Variants in KATNB1 observed in about 807,000 individuals in gnomAD.
KATNB1 encodes katanin p80 WD40 repeat-containing subunit B1.
KATNB1 carries 38 observed loss-of-function variants against 82.3 expected under a neutral mutation model. The observed-to-expected ratio is 0.46, with a 90% confidence interval of 0.36 to 0.61. The LOEUF is 0.61. Ranked by LOEUF, KATNB1 falls within the 20% of genes least tolerant of loss-of-function variation. The pLI is 0.00. For missense variants in KATNB1, 749 were observed against 915.7 expected (o/e 0.82, Z 2.35); for synonymous variants, 361 against 368.7 (o/e 0.98, Z 0.24).
In KATNB1 at chr16:57,740,543, G is replaced by A. The variant is rs74969299; in HGVS notation, c.41-1144G>A. ...TTGGCGTCACCCACGCTGGCCTTCC[G>A]GGTGCCTCGGGGCGTCAGCACCTTG... is the stretch of plus-strand genomic sequence containing the variant. On this transcript the variant is annotated intron_variant, in intron 2 of 19. Coordinates refer to ENST00000379661, the MANE Select transcript of KATNB1 (RefSeq NM_005886.3). Among the ~76,000 whole-genome samples, 739 of 152,340 alleles carry A rather than the reference G, an allele frequency of 4.9e-3. 6 individuals carry two copies. The highest frequency in any genetic ancestry group is 0.015 in the African/African-American group (639 of 41,584).
At chr16:57,750,084 C>A (rs1379777389) in intron 4 of KATNB1, among the ~76,000 whole-genome samples, 1 of 152,184 alleles carries the variant, frequency 6.6e-6, no homozygotes, top group Admixed American at 6.5e-5. Flanking sequence ...TAAAGCCTTC[C>A]TGGATTTCTC....
intron 8 of KATNB1, 44 bp from the exon 9 acceptor site, chr16:57,752,486 G>A (rs2049236270): frequency 6.5e-7 from 1 of 1,531,864 alleles, no homozygotes; most frequent in East Asian, 2.4e-5. Flanking sequence ...GTGGAGGCCA[G>A]GATGAGGGAT....
Position 57,755,420 on chromosome 16 carries a change from ATG to A in KATNB1, c.1499_1500del (p.Val500GlyfsTer64). 6.2e-7 allele frequency: 1 copy of A among 1,613,156 alleles called. No individual in the cohort carries two copies. Among genetic ancestry groups the A allele is most frequent in the East Asian group, 2.2e-5 (1 of 44,876 alleles). On this transcript the variant is annotated frameshift_variant, in exon 16 of 20. Coordinates refer to ENST00000379661, the MANE Select transcript of KATNB1 (RefSeq NM_005886.3). LOFTEE classifies it high-confidence loss of function. Reference protein sequence around the residue: ...MSQIRKGHDTMCVVLTSRHKN... With the variant: ...MSQIRKGHDTXCVVLTSRHKN... ...ACAGATCCGCAAAGGCCACGACACCATGTGTGTGGTGCTCACCAGCCGCCACA... is the reference window on the plus strand; with the variant it reads ...ACAGATCCGCAAAGGCCACGACACCATGTGTGGTGCTCACCAGCCGCCACA...
chr16:57,749,230 G>A (rs2049206006), intron 4 of KATNB1, among the ~76,000 whole-genome samples: 1 of 152,220 alleles, frequency 6.6e-6, no homozygotes, highest in Non-Finnish European at 1.5e-5. Context: ...ATTAAGACTG[G>A]CATTTATTGA....
intron 3 of KATNB1, among the ~76,000 whole-genome samples, chr16:57,743,606 G>A (rs2049159247): frequency 6.6e-6 from 1 of 152,092 alleles, no homozygotes; most frequent in African/African-American, 2.4e-5. Context: ...CTGGCCTGCA[G>A]GCTTGTTTTA....
In KATNB1 at chr16:57,738,948, A is replaced by G. The variant is rs115836985; in HGVS notation, c.40+1665A>G. On this transcript the variant is annotated intron_variant, in intron 2 of 19. Transcript: ENST00000379661. The stretch of plus-strand genomic sequence containing the variant: ...CAAGCTGGTGCCTGTGCTTTGAATC[A>G]GTTAGCTGGGGGGTAGGGGTAGGGG... 6.5e-3 allele frequency among the ~76,000 whole-genome samples: 887 copies of G among 136,464 alleles called. 8 individuals are homozygous for G. The highest frequency in any genetic ancestry group is 0.022 in the African/African-American group (814 of 37,686). 89.5% of individuals were successfully genotyped at this position (136,464 alleles called of 152,430 possible).
intron 4 of KATNB1, among the ~76,000 whole-genome samples, chr16:57,744,815 G>A (rs1597825554): frequency 6.6e-6 from 1 of 151,892 alleles, no homozygotes. Flanking sequence ...AGAACCTAGA[G>A]GGATGTCACA....
intron 4 of KATNB1, among the ~76,000 whole-genome samples, chr16:57,747,476 C>T (rs2148792349): frequency 6.6e-6 from 1 of 152,330 alleles, no homozygotes; most frequent in South Asian, 2.1e-4. Context: ...AAGATGCACG[C>T]AGCCTCTTCA....
chr16:57,756,923 C>A lies in KATNB1; in HGVS notation c.1945C>A (p.Leu649Met). The A allele has an allele frequency of 6.5e-7, 1 of 1,548,482 alleles. No individual in the cohort carries two copies. ...TGGCAGTACCTTCCGCGAGCTGCACCTGCTCATGGCCAGTCTGGACTGAGG... is the reference window on the plus strand; with the variant it reads ...TGGCAGTACCTTCCGCGAGCTGCACATGCTCATGGCCAGTCTGGACTGAGG... ...RHGSTFRELH[L>M]LMASLD is the part of the protein sequence containing the mutation. The change falls in exon 20 of 20, where the codon CTG becomes ATG. Residue 649 changes from leucine (L) to methionine (M), a missense_variant. Transcript: ENST00000379661.
intron 11 of KATNB1, 26 bp from the exon 12 acceptor site, chr16:57,753,363 C>T (rs1555584310): frequency 1.3e-5 from 21 of 1,594,608 alleles, no homozygotes; most frequent in East Asian, 2.3e-5. Context: ...CACCTGCTTC[C>T]GTTGGGCTTG....
rs2049297353 is a variant in KATNB1, at chr16:57,756,954, A to G, written c.*8A>G. 1 of 1,522,794 alleles carries G rather than the reference A, an allele frequency of 6.6e-7. No homozygotes were observed. Among genetic ancestry groups the G allele is most frequent in the Non-Finnish European group, 8.8e-7 (1 of 1,130,498 alleles). The allele number at this position is 1,522,794 out of a possible 1,614,324, so 94.3% of individuals were successfully genotyped here. ...ATGGCCAGTCTGGACTGAGGAAAGCAGTGGGCAGGGGCGCTCGGCAGCCCA... is the reference window on the plus strand; with the variant it reads ...ATGGCCAGTCTGGACTGAGGAAAGCGGTGGGCAGGGGCGCTCGGCAGCCCA... On this transcript the variant is annotated 3_prime_UTR_variant, in exon 20 of 20. Coordinates refer to ENST00000379661, the MANE Select transcript of KATNB1 (RefSeq NM_005886.3).
chr16:57,754,543 G>A (rs1298381852), intron 13 of KATNB1, among the ~76,000 whole-genome samples: 1 of 152,128 alleles, frequency 6.6e-6, no homozygotes, highest in Non-Finnish European at 1.5e-5. Context: ...CAGGCATGGG[G>A]CCACCTGTCC....
At position 57,756,827 on chromosome 16, in the gene KATNB1, C is replaced by A; in HGVS notation, c.1849C>A (p.Arg617=). 1 of 1,570,950 alleles carries A rather than the reference C, an allele frequency of 6.4e-7. No individual in the cohort carries two copies. Among genetic ancestry groups the A allele is most frequent in the East Asian group, 2.3e-5 (1 of 43,452 alleles). ...CCCTCTCTACAGGCTGCATAAGTGC[C>A]GGCTCTGCTACAAGCAGCTTAAGAG... ...ISREERLHKC[R]LCYKQLKSIS... is the part of the protein sequence containing the mutation. The change falls in exon 20 of 20, where the codon CGG becomes AGG. Residue 617 remains arginine, a synonymous_variant. Transcript: ENST00000379661.
chr16:57,739,691 C>T (rs1358552416), intron 2 of KATNB1, among the ~76,000 whole-genome samples: 1 of 152,106 alleles, frequency 6.6e-6, no homozygotes, highest in Non-Finnish European at 1.5e-5. Context: ...GGTCAGGCTG[C>T]TTAGAGGGGA....
intron 3 of KATNB1, among the ~76,000 whole-genome samples, chr16:57,743,063 C>T (rs1026739026): frequency 6.6e-6 from 1 of 152,276 alleles, no homozygotes; most frequent in Non-Finnish European, 1.5e-5. Flanking sequence ...GAAGCTGAGG[C>T]GGGTGGATCA....
intron 3 of KATNB1, among the ~76,000 whole-genome samples, 154 bp from the exon 4 acceptor site, chr16:57,744,240 G>A (rs1256373427): frequency 1.3e-5 from 2 of 152,200 alleles, no homozygotes; most frequent in Non-Finnish European, 2.9e-5. Flanking sequence ...TGCTCAGAAA[G>A]GGCCTGCAGG....
intron 4 of KATNB1, among the ~76,000 whole-genome samples, chr16:57,745,618 G>A (rs2049178640): frequency 1.3e-5 from 2 of 151,480 alleles, no homozygotes; most frequent in Non-Finnish European, 2.9e-5. Flanking sequence ...TGTAAAGGAT[G>A]AGAATTTAGC....
At chr16:57,748,468 TAAAA>T (rs66719702) in intron 4 of KATNB1, among the ~76,000 whole-genome samples, 3,828 of 134,320 alleles carry the variant, frequency 0.028, 64 homozygotes, top group Non-Finnish European at 0.043. Flanking sequence ...TCTATTTTTT[TAAAA>T]AAAAAAAAAA....
In KATNB1 at chr16:57,753,403, C is replaced by CA; in HGVS notation, c.1062dup (p.Glu355ArgfsTer12). On this transcript the variant is annotated frameshift_variant, in exon 12 of 20. Transcript: ENST00000379661. LOFTEE classifies it high-confidence loss of function. ...CACGCTCCCAGGGTGAAGCAGAACT[C>CA]AGAGAGCGAGCGCCGCAGCCCCAGC... 1 of 1,612,530 alleles carries CA rather than the reference C, an allele frequency of 6.2e-7. No homozygotes were observed. Among genetic ancestry groups the CA allele is most frequent in the Non-Finnish European group, 8.5e-7 (1 of 1,179,620 alleles).
Sources: gnomAD v4.1 joint callset for allele counts (sites outside exome capture counted in the v4.1 genomes callset) on GRCh38, gnomAD v4.1.1 for gene constraint, MANE v1.5 for transcripts, NCBI Gene and HGNC (gene_info 2026-07-23, HGNC 2026-07-21) for gene names.